Variants in AARS1 observed in about 807,000 individuals in gnomAD.
The protein encoded by AARS1 is alanine--tRNA ligase, cytoplasmic.
In AARS1, 72 loss-of-function variants were observed where a neutral mutation model predicts 108.9. That is an observed-to-expected ratio of 0.66 (90% CI 0.55 to 0.80). The LOEUF is 0.80. AARS1 is among the 30% of genes least tolerant of loss of function. The probability of loss-of-function intolerance (pLI) is 0.00; values close to 1 mark genes in which losing one functional copy is unlikely to be tolerated. For synonymous variants in AARS1, 489 were observed against 465.7 expected (o/e 1.05, Z -0.64); for missense variants, 1,193 against 1,233.2 (o/e 0.97, Z 0.49).
intron 13 of AARS1, 122 bp downstream of exon 13, chr16:70,260,922 A>G (rs1448442693): frequency 2.3e-5 from 17 of 752,882 alleles, no homozygotes; most frequent in Non-Finnish European, 3.5e-5. Context: ...TCGGCCTCCC[A>G]AAGTGCTGGG....
rs140502042 is a variant in AARS1, at chr16:70,265,398, C to G, written c.1347+140G>C. ...CCAATTACTCCCTGGAAGGCAGACTCGCCCCCACTTGAGAACCACTGATCT... is the reference window on the plus strand; with the variant it reads ...CCAATTACTCCCTGGAAGGCAGACTGGCCCCCACTTGAGAACCACTGATCT... On this transcript the variant is annotated intron_variant, in intron 10 of 20. Transcript: ENST00000261772. 1.9e-5 allele frequency: 25 copies of G among 1,330,460 alleles called. 1 individual carries two copies. The South Asian group carries it at 2.8e-4, about 15-fold the overall frequency. 82.4% of individuals were successfully genotyped at this position (1,330,460 alleles called of 1,614,324 possible). A position where few individuals can be genotyped will look rare whatever the true frequency, so the allele number is the denominator to read the frequency against.
At chr16:70,276,687 G>A (rs1960560824) in intron 3 of AARS1, 56 bp from the exon 4 acceptor site, 1 of 1,572,980 alleles carries the variant, frequency 6.4e-7, no homozygotes, top group Non-Finnish European at 8.7e-7. Context: ...AATCTATTTA[G>A]TATGAGACCA....
chr16:70,263,418 A>G (rs1361038322), intron 11 of AARS1, among the ~76,000 whole-genome samples: 1 of 152,014 alleles, frequency 6.6e-6, no homozygotes, highest in Non-Finnish European at 1.5e-5. Context: ...CTACAATACA[A>G]AAATTAGCCA....
chr16:70,252,738 C>G lies in AARS1; in HGVS notation c.2890G>C (p.Gly964Arg). ...TTCCCCACTCAGTTCTTTACATCCC[C>G]GAGGCGCAGCTGGGCGAAGGAAGTG... ...LATSFAQLRL[G>R]DVKN Residue 964 changes from glycine to arginine, a missense_variant, in exon 21 of 21, where the codon GGG becomes CGG. Coordinates refer to ENST00000261772, the MANE Select transcript of AARS1 (RefSeq NM_001605.3). 6.2e-7 allele frequency: 1 copy of G among 1,614,126 alleles called. No homozygotes were observed. Among genetic ancestry groups the G allele is most frequent in the Non-Finnish European group, 8.5e-7 (1 of 1,180,032 alleles).
At chr16:70,281,593 G>T (rs968745427) in intron 2 of AARS1, among the ~76,000 whole-genome samples, 1 of 152,206 alleles carries the variant, frequency 6.6e-6, no homozygotes, top group Non-Finnish European at 1.5e-5. Flanking sequence ...TTGAACTCGG[G>T]AGGCAGAGAT....
chr16:70,282,079 G>A (rs529038651), intron 2 of AARS1, among the ~76,000 whole-genome samples: 10 of 148,868 alleles, frequency 6.7e-5, no homozygotes, highest in African/African-American at 2.5e-4. Flanking sequence ...ATGAACCTGG[G>A]GGGCGGAGCT....
At chr16:70,276,817 G>A (rs1960563194) in intron 3 of AARS1, 149 bp downstream of exon 3, 1 of 1,144,104 alleles carries the variant, frequency 8.7e-7, no homozygotes, top group African/African-American at 1.6e-5. Flanking sequence ...ACTACTTCCA[G>A]GAAGTCTTAG....
chr16:70,269,594 C>G (rs1420918169), intron 7 of AARS1, 24 bp downstream of exon 7: 2 of 1,613,114 alleles, frequency 1.2e-6, no homozygotes, highest in Non-Finnish European at 1.7e-6. Context: ...GCTCCAAACA[C>G]CACCCAGTGT....
intron 12 of AARS1, 131 bp downstream of exon 12, chr16:70,262,215 G>T: frequency 1.7e-6 from 2 of 1,157,066 alleles, no homozygotes; most frequent in Non-Finnish European, 1.3e-6. Flanking sequence ...CTCGGCTTCA[G>T]AAATACCATG....
At chr16:70,257,387 C>G (rs914045584) in intron 15 of AARS1, among the ~76,000 whole-genome samples, 2 of 152,110 alleles carry the variant, frequency 1.3e-5, no homozygotes, top group Non-Finnish European at 2.9e-5. Context: ...TACACTCCAC[C>G]CTGCGGGACA....
intron 9 of AARS1, among the ~76,000 whole-genome samples, chr16:70,266,227 T>C (rs1960259063): frequency 6.6e-6 from 1 of 151,798 alleles, no homozygotes; most frequent in South Asian, 2.1e-4. Context: ...GGCAGGAGAA[T>C]GGCGTGAACC....
intron 1 of AARS1, among the ~76,000 whole-genome samples, chr16:70,284,354 G>A (rs1261530490): frequency 1.3e-5 from 2 of 149,500 alleles, no homozygotes; most frequent in Non-Finnish European, 3.0e-5. Context: ...TGTAATCCCA[G>A]CACTTTGAGA....
chr16:70,279,074 G>A (rs192755632), intron 2 of AARS1, among the ~76,000 whole-genome samples: 77 of 152,250 alleles, frequency 5.1e-4, no homozygotes, highest in African/African-American at 1.5e-3. Flanking sequence ...TTACAAGGCC[G>A]GGCGTGGTGG....
intron 2 of AARS1, among the ~76,000 whole-genome samples, chr16:70,279,435 G>C (rs1469024490): frequency 6.6e-6 from 1 of 150,884 alleles, no homozygotes; most frequent in Non-Finnish European, 1.5e-5. Context: ...CGAGATGTGC[G>C]GATCACCTGA....
At position 70,271,897 on chromosome 16, in the gene AARS1, A is replaced by T. The variant is rs1238452818; in HGVS notation, c.555T>A (p.Gly185=). Residue 185 remains glycine, a synonymous_variant, in exon 5 of 21, where the codon GGT becomes GGA. Transcript: ENST00000261772. ...FWEMGDTGPC[G]PCSEIHYDRI... is the part of the protein sequence containing the mutation. ...GGTCGTAGTGGATCTCACTGCAAGG[A>T]CCACAGGGGCCCGTGTCACCCATCT... 1 of 1,614,102 alleles carries T rather than the reference A, an allele frequency of 6.2e-7. No homozygotes were observed. Among genetic ancestry groups the T allele is most frequent in the African/African-American group, 1.3e-5 (1 of 75,036 alleles).
rs1960930712 is a variant in AARS1 at position 70,288,562 on chromosome 16, GCT to G, written c.-22+857_-22+858del. ...ATCCCAGCAGCAACGACTGTTCTGG[GCT>G]CTTTTTTTTTTTTTTTTTTTGAAAC... On this transcript the variant is annotated intron_variant, in intron 1 of 20. Transcript: ENST00000261772. Among the ~76,000 whole-genome samples the G allele has an allele frequency of 2.9e-5, 4 of 136,178 alleles. No individual in the cohort carries two copies. In the South Asian group the frequency reaches 1.0e-3, roughly 34 times the overall value. The allele number at this position is 136,178 out of a possible 152,430, so 89.3% of individuals were successfully genotyped here. A position where few individuals can be genotyped will look rare whatever the true frequency, so the allele number is the denominator to read the frequency against.
chr16:70,253,525 C>A, intron 19 of AARS1, 144 bp from the exon 20 acceptor site: 2 of 1,016,882 alleles, frequency 2.0e-6, no homozygotes, highest in East Asian at 5.2e-5. Context: ...GGGAGGACCC[C>A]AGCGCCGGGC....
rs1253660292 is a variant in AARS1, at chr16:70,252,413, T to G, written c.*308A>C. On this transcript the variant is annotated 3_prime_UTR_variant, in exon 21 of 21. Transcript: ENST00000261772. ...AGTATTGCACGTGGTCCTTTTATTC[T>G]CTGCAGCAAAAACGATTCCTACTTG... is the stretch of plus-strand genomic sequence containing the variant. The G allele has an allele frequency of 6.4e-6, 3 of 467,020 alleles. No homozygotes were observed. Among genetic ancestry groups the G allele is most frequent in the African/African-American group, 3.9e-5 (2 of 51,008 alleles). 28.9% of individuals were successfully genotyped at this position (467,020 alleles called of 1,614,324 possible).
chr16:70,258,955 G>A lies in AARS1; in HGVS notation c.1992+25C>T, dbSNP rs971554160. On this transcript the variant is annotated intron_variant, in intron 14 of 20. Transcript: ENST00000261772. ...AGACAGTGACGGTGTGGGGAGGGGG[G>A]GCATTCAGCCGTCGCCCATCCTACC... 2.5e-6 allele frequency: 4 copies of A among 1,607,678 alleles called. No homozygotes were observed. The African/African-American group carries it at 4.0e-5, about 16-fold the overall frequency.
Sources: gnomAD v4.1 joint callset for allele counts (sites outside exome capture counted in the v4.1 genomes callset) on GRCh38, gnomAD v4.1.1 for gene constraint, MANE v1.5 for transcripts, NCBI Gene and HGNC (gene_info 2026-07-23, HGNC 2026-07-21) for gene names.